Variants in MAGI1 observed in about 807,000 individuals in gnomAD.
MAGI1 encodes the protein membrane associated guanylate kinase, WW and PDZ domain containing 1, also known as membrane-associated guanylate kinase, WW and PDZ domain-containing protein 1.
In MAGI1, 58 loss-of-function variants were observed where a neutral mutation model predicts 139.9. That is an observed-to-expected ratio of 0.41 (90% confidence interval 0.34 to 0.52). MAGI1 has a LOEUF of 0.52. Among genes scored for constraint, MAGI1 ranks in the 20% least tolerant of loss-of-function variants. The pLI is 0.12. For synonymous variants in MAGI1, 812 were observed against 737.9 expected (o/e 1.10, Z -1.63); for missense variants, 1,874 against 1,901.6 (o/e 0.99, Z 0.27).
At chr3:65,941,817 G>T (rs1238527462) in intron 1 of MAGI1, among the ~76,000 whole-genome samples, 1 of 152,058 alleles carries the variant, frequency 6.6e-6, no homozygotes, top group Non-Finnish European at 1.5e-5. Context: ...TTTGGAACAG[G>T]GTCTCACTCT....
At chr3:65,846,976 C>CAAAAAAAAAAAAAAAAAAAAAAAAAA (rs58391331) in intron 1 of MAGI1, among the ~76,000 whole-genome samples, 1 of 80,976 alleles carries the variant, frequency 1.2e-5, no homozygotes, top group African/African-American at 4.9e-5. Flanking sequence ...CAATGTCTTA[C>CAAAAAAAAAAAAAAAAAAAAAAAAAA]AAAAAAAAAA....
At chr3:65,857,295 T>C (rs1166631959) in intron 1 of MAGI1, among the ~76,000 whole-genome samples, 1 of 152,198 alleles carries the variant, frequency 6.6e-6, no homozygotes, top group South Asian at 2.1e-4. Flanking sequence ...TTATGAACCA[T>C]CAAAACACAG....
intron 1 of MAGI1, among the ~76,000 whole-genome samples, chr3:65,657,303 T>C (rs1381498869): frequency 6.6e-6 from 1 of 151,628 alleles, no homozygotes; most frequent in African/African-American, 2.4e-5. Context: ...AAATAGAAAA[T>C]TGCCTTTGAG....
intron 2 of MAGI1, among the ~76,000 whole-genome samples, chr3:65,538,461 G>A (rs1360648485): frequency 6.6e-6 from 1 of 152,110 alleles, no homozygotes; most frequent in Non-Finnish European, 1.5e-5. Context: ...TTTTTCTCAT[G>A]TGTTCAGCAT....
chr3:65,591,243 C>A (rs1406502011), intron 2 of MAGI1, among the ~76,000 whole-genome samples: 1 of 152,050 alleles, frequency 6.6e-6, no homozygotes, highest in East Asian at 1.9e-4. Context: ...GATGACCCAC[C>A]CCCGCCTGGT....
chr3:65,612,314 G>A (rs1298770591), intron 2 of MAGI1, among the ~76,000 whole-genome samples: 3 of 151,904 alleles, frequency 2.0e-5, no homozygotes, highest in Admixed American at 6.6e-5. Context: ...GGTTACTAAC[G>A]TTTTAACCTA....
intron 1 of MAGI1, among the ~76,000 whole-genome samples, chr3:65,806,992 C>G (rs1261904455): frequency 6.6e-6 from 1 of 152,176 alleles, no homozygotes; most frequent in Non-Finnish European, 1.5e-5. Context: ...ACAATTTCCT[C>G]CTATTCAGTA....
At chr3:65,766,614 G>C (rs1044254620) in intron 1 of MAGI1, among the ~76,000 whole-genome samples, 2 of 152,142 alleles carry the variant, frequency 1.3e-5, no homozygotes, top group Non-Finnish European at 2.9e-5. Flanking sequence ...AAGAGGCTGG[G>C]TGCGGTGGCT....
chr3:65,878,511 G>C (rs1196680124), intron 1 of MAGI1, among the ~76,000 whole-genome samples: 1 of 115,344 alleles, frequency 8.7e-6, no homozygotes, highest in Non-Finnish European at 1.7e-5. Flanking sequence ...GCGAGACTCA[G>C]TCTCAAAAAA....
At chr3:65,770,765 T>A (rs917278027) in intron 1 of MAGI1, among the ~76,000 whole-genome samples, 1 of 152,088 alleles carries the variant, frequency 6.6e-6, no homozygotes. Context: ...CTCAGCTCAC[T>A]GCAACCTCTG....
At chr3:65,799,761 T>G (rs1029653652) in intron 1 of MAGI1, among the ~76,000 whole-genome samples, 9 of 152,202 alleles carry the variant, frequency 5.9e-5, no homozygotes, top group Admixed American at 5.9e-4. Context: ...AAACTCATAT[T>G]TATGTGTTTT....
chr3:65,737,099 G>T (rs888719360), intron 1 of MAGI1, among the ~76,000 whole-genome samples: 10 of 152,052 alleles, frequency 6.6e-5, no homozygotes, highest in Admixed American at 2.0e-4. Flanking sequence ...CCACCTCCTG[G>T]GTTCACACCA....
chr3:65,634,921 T>G (rs2084521714), intron 1 of MAGI1, among the ~76,000 whole-genome samples: 1 of 152,108 alleles, frequency 6.6e-6, no homozygotes, highest in Admixed American at 6.6e-5. Flanking sequence ...TACCCTAAAC[T>G]CAGATAACCT....
At chr3:66,008,172 T>C (rs971691531) in intron 1 of MAGI1, among the ~76,000 whole-genome samples, 4 of 151,986 alleles carry the variant, frequency 2.6e-5, no homozygotes, top group Middle Eastern at 3.2e-3. Flanking sequence ...GCTGGGATCA[T>C]AGGTGTGAGC....
At chr3:65,952,009 C>G (rs1251551728) in intron 1 of MAGI1, among the ~76,000 whole-genome samples, 3 of 152,158 alleles carry the variant, frequency 2.0e-5, no homozygotes, top group Admixed American at 1.3e-4. Flanking sequence ...TCTGAGATTC[C>G]TACTGACGAC....
At chr3:65,411,656 T>C (rs1199935425) in intron 12 of MAGI1, among the ~76,000 whole-genome samples, 2 of 152,184 alleles carry the variant, frequency 1.3e-5, no homozygotes, top group Non-Finnish European at 2.9e-5. Flanking sequence ...GAGAAGCTTG[T>C]AGGTTAAAAA....
chr3:65,955,547 A>G (rs1174469955), intron 1 of MAGI1, among the ~76,000 whole-genome samples: 6 of 147,692 alleles, frequency 4.1e-5, no homozygotes. Flanking sequence ...TGAAGAGTCT[A>G]TCTATTCTAA....
At chr3:65,740,193 C>A (rs559661861) in intron 1 of MAGI1, among the ~76,000 whole-genome samples, 1 of 152,174 alleles carries the variant, frequency 6.6e-6, no homozygotes, top group African/African-American at 2.4e-5. Context: ...CAGGAAACAC[C>A]ACAAATCAAT....
chr3:65,389,979 C>T (rs1943773079), intron 14 of MAGI1, among the ~76,000 whole-genome samples: 1 of 152,200 alleles, frequency 6.6e-6, no homozygotes, highest in Non-Finnish European at 1.5e-5. Context: ...AGTGGACTGA[C>T]CAACTTTCCT....
Sources: allele counts gnomAD v4.1 joint callset (sites outside exome capture counted in the v4.1 genomes callset), GRCh38; gene constraint gnomAD v4.1.1; transcripts MANE v1.5; gene names NCBI Gene and HGNC (gene_info 2026-07-23, HGNC 2026-07-21).